The following LIPF variants were observed in gnomAD, a reference collection of about 807,000 sequenced individuals.
LIPF encodes the protein lipase F, gastric type, also known as gastric triacylglycerol lipase.
A neutral mutation model predicts 38.0 loss-of-function variants in LIPF; 25 were observed. That is an observed-to-expected ratio of 0.66 (90% CI 0.48 to 0.92). The LOEUF (loss-of-function observed/expected upper bound fraction) is 0.92, where lower values mean the gene tolerates loss of function less well. LIPF is among the 40% of genes least tolerant of loss of function. The probability of loss-of-function intolerance (pLI) is 0.00; values close to 1 mark genes in which losing one functional copy is unlikely to be tolerated. For synonymous variants in LIPF, 161 were observed against 156.2 expected (o/e 1.03, Z -0.23); for missense variants, 410 against 469.9 (o/e 0.87, Z 1.18).
intron 2 of LIPF, 72 bp downstream of exon 2, chr10:88,667,474 T>C: frequency 9.4e-7 from 1 of 1,069,052 alleles, no homozygotes; most frequent in Non-Finnish European, 1.4e-6. Context: ...GAGTTAAAGA[T>C]TTTATATGAC....
Position 88,669,952 on chromosome 10 carries a change from T to A in LIPF, c.532+6T>A. The A allele has an allele frequency of 6.3e-7, 1 of 1,581,430 alleles. No homozygotes were observed. The highest frequency in any genetic ancestry group is 8.7e-7 in the Non-Finnish European group (1 of 1,152,244). On this transcript the variant is annotated splice_donor_region_variant and intron_variant, in intron 5 of 9. Coordinates refer to ENST00000238983, the MANE Select transcript of LIPF (RefSeq NM_004190.4). ...TTCCCAGGGCACCACCATTGGTAAG[T>A]AATGGCAGTCAAGGCCAAGTGGTTT...
intron 6 of LIPF, among the ~76,000 whole-genome samples, chr10:88,673,059 C>T (rs981527236): frequency 6.6e-6 from 1 of 152,126 alleles, no homozygotes; most frequent in Admixed American, 6.5e-5. Context: ...CTCATGTTAA[C>T]CTCATGTTTC....
rs1379012724 is a variant in LIPF, at chr10:88,667,549, T to G, written c.106-20T>G. 1 of 1,371,896 alleles carries G rather than the reference T, an allele frequency of 7.3e-7. No homozygotes were observed. The highest frequency in any genetic ancestry group is 1.8e-5 in the Admixed American group (1 of 54,408). 85.0% of individuals were successfully genotyped at this position (1,371,896 alleles called of 1,614,324 possible). A position where few individuals can be genotyped will look rare whatever the true frequency, so the allele number is the denominator to read the frequency against. On this transcript the variant is annotated intron_variant, in intron 2 of 9. Transcript: ENST00000238983. ...TCTAAAAATCAACTAAAATTTAAAC[T>G]TTTGGGTTTGCTTCCTCAGAGTCAG... is the stretch of plus-strand genomic sequence containing the variant.
At position 88,668,719 on chromosome 10, in the gene LIPF, T is replaced by G. The variant is rs766748774; in HGVS notation, c.385T>G (p.Tyr129Asp). Reference protein sequence around the residue: ...RGNTWARRNLYYSPDSVEFWA... With the variant: ...RGNTWARRNLDYSPDSVEFWA... ...AAACACCTGGGCCAGAAGAAACTTG[T>G]ACTATTCACCAGATTCAGTTGAATT... The change falls in exon 4 of 10, where the codon TAC becomes GAC. Residue 129 changes from tyrosine to aspartate, a missense_variant. Tyr to Asp is a radical substitution (Grantham distance 160). Coordinates refer to ENST00000238983, the MANE Select transcript of LIPF (RefSeq NM_004190.4). 6.2e-7 allele frequency: 1 copy of G among 1,614,156 alleles called. No homozygotes were observed. Among genetic ancestry groups the G allele is most frequent in the South Asian group, 1.1e-5 (1 of 91,082 alleles).
chr10:88,669,032 C>T (rs1841556244), intron 4 of LIPF: 1 of 344,164 alleles, frequency 2.9e-6, no homozygotes, highest in Non-Finnish European at 5.4e-6. Context: ...AAACTCACAG[C>T]CCCTGGAAAA....
In LIPF at chr10:88,667,323, G is replaced by A. The variant is rs778388740; in HGVS notation, c.26G>A (p.Ser9Asn). 6.2e-7 allele frequency: 1 copy of A among 1,612,826 alleles called. No homozygotes were observed. The highest frequency in any genetic ancestry group is 8.5e-7 in the Non-Finnish European group (1 of 1,179,294). The part of the protein sequence containing the change: MWLLLTMA[S>N]LISVLGTTHG... ...ATGTGGCTGCTTTTAACAATGGCAAGTTTGATATCTGTACTGGGGACTACA... is the reference window on the plus strand; with the variant it reads ...ATGTGGCTGCTTTTAACAATGGCAAATTTGATATCTGTACTGGGGACTACA... Residue 9 changes from serine (S) to asparagine (N), a missense_variant, in exon 2 of 10, where the codon AGT becomes AAT. Physicochemically the swap from Ser to Asn is conservative, Grantham distance 46. Transcript: ENST00000238983.
At chr10:88,665,941 G>T (rs1035012280) in intron 1 of LIPF, among the ~76,000 whole-genome samples, 1 of 151,984 alleles carries the variant, frequency 6.6e-6, no homozygotes, top group African/African-American at 2.4e-5. Context: ...GTTTCACCGT[G>T]TTAGCCAGGA....
At chr10:88,665,419 A>AAC in intron 1 of LIPF, 1 of 724,040 alleles carries the variant, frequency 1.4e-6, no homozygotes, top group South Asian at 1.5e-5. Flanking sequence ...TACCATGTTG[A>AAC]ACACACAGTA....
At chr10:88,677,098 T>C (rs1841700776) in intron 9 of LIPF, among the ~76,000 whole-genome samples, 2 of 152,222 alleles carry the variant, frequency 1.3e-5, no homozygotes, top group Non-Finnish European at 2.9e-5. Flanking sequence ...TAATTTTCAT[T>C]TGTTTCCATG....
chr10:88,672,676 T>A (rs1249774955), intron 6 of LIPF, among the ~76,000 whole-genome samples: 4,379 of 137,914 alleles, frequency 0.032, 55 homozygotes, highest in Non-Finnish European at 0.037. Context: ...ACACACTCTC[T>A]CTCTCTCTCT....
rs776478651 is a variant in LIPF, at chr10:88,675,667, T to G, written c.888+10T>G. On this transcript the variant is annotated intron_variant, in intron 8 of 9. Transcript: ENST00000238983. The stretch of plus-strand genomic sequence containing the variant: ...GTTCCATTGGACCCAGGTATTCTTT[T>G]CCAAATGCTGTTAAAATGTATTTTG... 2 of 1,593,620 alleles carry G rather than the reference T, an allele frequency of 1.3e-6. No individual in the cohort carries two copies. Among genetic ancestry groups the G allele is most frequent in the Non-Finnish European group, 1.7e-6 (2 of 1,161,608 alleles).
At chr10:88,676,374 T>C in intron 9 of LIPF, 94 bp downstream of exon 9, 1 of 746,584 alleles carries the variant, frequency 1.3e-6, no homozygotes, top group Non-Finnish European at 2.2e-6. Flanking sequence ...GCGCATCTGT[T>C]TTCCAAAGGA....
chr10:88,672,670 A>ACTCTCTCTCTCTCTCT (rs60719768), intron 6 of LIPF, among the ~76,000 whole-genome samples: 1 of 110,500 alleles, frequency 9.0e-6, no homozygotes, highest in Admixed American at 9.1e-5. Flanking sequence ...ACACACACAC[A>ACTCTCTCTCTCTCTCT]CTCTCTCTCT....
intron 1 of LIPF, among the ~76,000 whole-genome samples, chr10:88,666,859 G>T (rs1421320884): frequency 6.6e-6 from 1 of 152,144 alleles, no homozygotes; most frequent in Non-Finnish European, 1.5e-5. Flanking sequence ...GTTATACAGA[G>T]ATTGGATATA....
At chr10:88,671,735 A>T in intron 5 of LIPF, 94 bp from the exon 6 acceptor site, 1 of 1,492,468 alleles carries the variant, frequency 6.7e-7, no homozygotes, top group South Asian at 1.5e-5. Context: ...CATCCTTAGT[A>T]AGTCCAAAAT....
At chr10:88,665,256 A>G (rs1456441604) in intron 1 of LIPF, among the ~76,000 whole-genome samples, 1 of 152,230 alleles carries the variant, frequency 6.6e-6, no homozygotes, top group African/African-American at 2.4e-5. Context: ...AGTCATAATA[A>G]CTATATTTAA....
Position 88,672,625 on chromosome 10 carries a change from A to AACACACAC in LIPF, c.669+699_669+706dup, listed in dbSNP as rs71471111. Among the ~76,000 whole-genome samples the AACACACAC allele has an allele frequency of 7.5e-4, 98 of 130,960 alleles. 1 individual carries two copies. The highest frequency in any genetic ancestry group is 4.4e-3 in the South Asian group (16 of 3,612). 85.9% of individuals were successfully genotyped at this position (130,960 alleles called of 152,430 possible). ...CCTAATTCTCTCACCCAGTAAAACC[A>AACACACAC]ACACACACACACACACACACACACA... On this transcript the variant is annotated intron_variant, in intron 6 of 9. Transcript: ENST00000238983.
chr10:88,671,763 A>C, intron 5 of LIPF, 66 bp from the exon 6 acceptor site: 1 of 1,545,288 alleles, frequency 6.5e-7, no homozygotes, highest in Non-Finnish European at 8.7e-7. Context: ...CACTTATAAA[A>C]ACAAACAAAA....
rs1240274697 is a variant in LIPF, at chr10:88,669,861, C to T, written c.447C>T (p.Asp149=). 7 of 1,612,616 alleles carry T rather than the reference C, an allele frequency of 4.3e-6. No individual in the cohort carries two copies. Among genetic ancestry groups the T allele is most frequent in the Non-Finnish European group, 5.1e-6 (6 of 1,178,984 alleles). ...AFSFDEMAKY[D]LPATIDFIVK... The stretch of plus-strand genomic sequence containing the variant: ...GCTTTGATGAAATGGCTAAATATGA[C>T]CTTCCAGCCACAATCGACTTCATTG... Residue 149 remains aspartate, a synonymous_variant, in exon 5 of 10, where the codon GAC becomes GAT. Transcript: ENST00000238983.
Sources: allele counts gnomAD v4.1 joint callset (sites outside exome capture counted in the v4.1 genomes callset), GRCh38; gene constraint gnomAD v4.1.1; transcripts MANE v1.5; gene names NCBI Gene and HGNC (gene_info 2026-07-23, HGNC 2026-07-21).